MVB12B: variants seen among roughly 807,000 people sequenced by gnomAD.
MVB12B encodes the protein ESCRT-I complex subunit MVB12B.
Under a neutral mutation model 41.6 loss-of-function variants are expected in MVB12B, and 16 were observed. The observed-to-expected ratio is 0.38, with a 90% CI of 0.26 to 0.58. The LOEUF (loss-of-function observed/expected upper bound fraction) is 0.58. Ranked by LOEUF, MVB12B falls within the 20% of genes least tolerant of loss-of-function variation. MVB12B has a pLI of 0.62. For missense variants in MVB12B, 274 were observed against 380.2 expected (o/e 0.72, Z 2.32); for synonymous variants, 133 against 139.7 (o/e 0.95, Z 0.34).
chr9:126,331,095 G>A (rs904306309), intron 1 of MVB12B, among the ~76,000 whole-genome samples: 1 of 152,090 alleles, frequency 6.6e-6, no homozygotes, highest in Non-Finnish European at 1.5e-5. Context: ...TTGAGACCCC[G>A]ATTTAAATTC....
chr9:126,498,440 C>G, intron 9 of MVB12B, among the ~76,000 whole-genome samples: 1 of 152,246 alleles, frequency 6.6e-6, no homozygotes. Flanking sequence ...TGGTTCCCTC[C>G]CACCTGTCCT....
intron 2 of MVB12B, among the ~76,000 whole-genome samples, chr9:126,373,152 A>G (rs1165534759): frequency 6.6e-6 from 1 of 152,200 alleles, no homozygotes; most frequent in Admixed American, 6.5e-5. Context: ...AAAAAAAGAG[A>G]CATTTCAGCT....
At chr9:126,441,907 C>T (rs1832650569) in intron 7 of MVB12B, among the ~76,000 whole-genome samples, 1 of 152,138 alleles carries the variant, frequency 6.6e-6, no homozygotes, top group East Asian at 1.9e-4. Context: ...ACCTATTATG[C>T]AGAATAACTA....
At chr9:126,439,705 G>T (rs1191407209) in intron 7 of MVB12B, among the ~76,000 whole-genome samples, 1 of 152,098 alleles carries the variant, frequency 6.6e-6, no homozygotes, top group East Asian at 1.9e-4. Context: ...ATGTATTTTT[G>T]TGAAAATGAA....
chr9:126,348,156 A>G (rs1829650427), intron 2 of MVB12B, among the ~76,000 whole-genome samples: 2 of 152,264 alleles, frequency 1.3e-5, no homozygotes, highest in Admixed American at 1.3e-4. Flanking sequence ...GATAAAAGGC[A>G]CCAGGTGTTC....
At chr9:126,467,698 A>G (rs976808959) in intron 7 of MVB12B, among the ~76,000 whole-genome samples, 1 of 152,110 alleles carries the variant, frequency 6.6e-6, no homozygotes, top group Non-Finnish European at 1.5e-5. Context: ...GCTCAAATGG[A>G]TTCATATTTA....
intron 7 of MVB12B, among the ~76,000 whole-genome samples, chr9:126,479,872 G>A (rs979867330): frequency 2.0e-5 from 3 of 152,216 alleles, no homozygotes; most frequent in African/African-American, 4.8e-5. Context: ...CTGTATGAAC[G>A]TAGCATGAGC....
At chr9:126,327,967 C>T (rs546804990) in intron 1 of MVB12B, among the ~76,000 whole-genome samples, 77 of 152,264 alleles carry the variant, frequency 5.1e-4, no homozygotes, top group Non-Finnish European at 7.8e-4. Context: ...CTTTGTCTCT[C>T]GTGGTTCCTT....
intron 6 of MVB12B, among the ~76,000 whole-genome samples, chr9:126,409,186 T>C (rs1328194179): frequency 6.6e-6 from 1 of 152,000 alleles, no homozygotes; most frequent in African/African-American, 2.4e-5. Context: ...GAGGCCTGGG[T>C]TTTGGTTTTC....
intron 6 of MVB12B, among the ~76,000 whole-genome samples, chr9:126,407,671 A>G (rs1831485081): frequency 6.6e-6 from 1 of 151,558 alleles, no homozygotes; most frequent in African/African-American, 2.4e-5. Context: ...GCCTTTAATC[A>G]CCGCGAGGGG....
chr9:126,330,723 A>G (rs917783720), intron 1 of MVB12B, among the ~76,000 whole-genome samples: 2 of 152,204 alleles, frequency 1.3e-5, no homozygotes, highest in African/African-American at 4.8e-5. Flanking sequence ...TTCATCTTGC[A>G]AAACCGAAAC....
chr9:126,422,593 G>A (rs377752498), intron 7 of MVB12B, among the ~76,000 whole-genome samples: 93 of 152,270 alleles, frequency 6.1e-4, no homozygotes, highest in African/African-American at 1.9e-3. Flanking sequence ...CCACAAACTC[G>A]CCTCCGATTA....
chr9:126,356,297 C>G (rs577379232), intron 2 of MVB12B, among the ~76,000 whole-genome samples: 1 of 152,262 alleles, frequency 6.6e-6, no homozygotes, highest in Non-Finnish European at 1.5e-5. Context: ...ATTTGCAATA[C>G]TGAGTTTTCC....
chr9:126,338,322 C>T (rs1829344047), intron 1 of MVB12B, among the ~76,000 whole-genome samples: 1 of 152,228 alleles, frequency 6.6e-6, no homozygotes, highest in Non-Finnish European at 1.5e-5. Flanking sequence ...TTCTCCTGGG[C>T]CGCCACAGGG....
At chr9:126,464,421 G>C (rs1385832179) in intron 7 of MVB12B, among the ~76,000 whole-genome samples, 1 of 152,052 alleles carries the variant, frequency 6.6e-6, no homozygotes, top group Non-Finnish European at 1.5e-5. Flanking sequence ...GAGCAGCTAG[G>C]GAACAAAGCT....
intron 7 of MVB12B, among the ~76,000 whole-genome samples, chr9:126,474,758 G>A (rs532735179): frequency 5.5e-4 from 84 of 152,332 alleles, no homozygotes; most frequent in Non-Finnish European, 1.0e-3. Context: ...CAGGGTGCTA[G>A]GATGAACAGA....
chr9:126,433,850 C>T lies in MVB12B; in HGVS notation c.757+11902C>T, dbSNP rs1832395651. Among the ~76,000 whole-genome samples the T allele has an allele frequency of 2.0e-5, 3 of 152,108 alleles. No homozygotes were observed. In the South Asian group the frequency reaches 6.2e-4, roughly 32 times the overall value. On this transcript the variant is annotated intron_variant, in intron 7 of 9. Transcript: ENST00000361171. ...CTGAGTCCTCCAGCTGCCAGCATTG[C>T]CGAGCTCAAGCATCTCTGAGTTAAG...
intron 7 of MVB12B, among the ~76,000 whole-genome samples, chr9:126,469,260 CCAGGCACTGTGTA>C (rs1454527446): frequency 1.3e-5 from 2 of 152,206 alleles, no homozygotes; most frequent in Non-Finnish European, 2.9e-5. Flanking sequence ...CGGCAGGACC[CCAGGCACTGTGTA>C]CAGACCACTA....
chr9:126,344,004 T>C (rs532997149), intron 2 of MVB12B, among the ~76,000 whole-genome samples: 1 of 144,928 alleles, frequency 6.9e-6, no homozygotes, highest in South Asian at 2.2e-4. Context: ...TCTTTTTCCA[T>C]AAAGGACATG....
Sources: allele counts gnomAD v4.1 joint callset (sites outside exome capture counted in the v4.1 genomes callset), GRCh38; gene constraint gnomAD v4.1.1; transcripts MANE v1.5; gene names NCBI Gene and HGNC (gene_info 2026-07-23, HGNC 2026-07-21).